Variants in GRM4 observed in about 807,000 individuals in gnomAD.
GRM4 encodes the protein glutamate metabotropic receptor 4.
A neutral mutation model predicts 81.7 loss-of-function variants in GRM4; 28 were observed. That is an observed-to-expected ratio of 0.34 (90% CI 0.25 to 0.47). GRM4 has a LOEUF of 0.47. Among genes scored for constraint, GRM4 ranks in the 20% least tolerant of loss-of-function variants. The pLI is 1.00. For synonymous variants in GRM4, 488 were observed against 528.8 expected (o/e 0.92, Z 1.06); for missense variants, 948 against 1,290.0 (o/e 0.73, Z 4.06).
chr6:34,036,179 A>G lies in GRM4; in HGVS notation c.1931T>C (p.Ile644Thr), dbSNP rs773619608. ...GCAGGTGCCAAGGTCGGGCTCAGCG[A>G]TCATGAGGAAGGTGGTGGCATAGCA... ...FLCYATTFLM[I>T]AEPDLGTCSL... The change falls in exon 9 of 11, where the codon ATC becomes ACC. Residue 644 changes from isoleucine to threonine, a missense_variant. Coordinates refer to ENST00000538487, the MANE Select transcript of GRM4 (RefSeq NM_000841.4). This position sits in a 1 kb window ranked among gnomAD's most constrained non-coding sequence, Gnocchi z 9.0. 1 of 1,614,212 alleles carries G rather than the reference A, an allele frequency of 6.2e-7. No homozygotes were observed. The highest frequency in any genetic ancestry group is 8.5e-7 in the Non-Finnish European group (1 of 1,180,020).
intron 6 of GRM4, among the ~76,000 whole-genome samples, chr6:34,054,008 A>G (rs1765739960): frequency 6.6e-6 from 1 of 152,144 alleles, no homozygotes; most frequent in African/African-American, 2.4e-5. Context: ...TACAGCTGCC[A>G]CTTACAGATC....
chr6:34,028,060 C>A, intron 10 of GRM4, 60 bp downstream of exon 10: 2 of 1,539,636 alleles, frequency 1.3e-6, no homozygotes, highest in Non-Finnish European at 1.8e-6. Context: ...GCTCAGCCCA[C>A]CTGCTGCAAA....
intron 2 of GRM4, among the ~76,000 whole-genome samples, chr6:34,120,616 C>T (rs1235179473): frequency 6.6e-6 from 1 of 152,168 alleles, no homozygotes; most frequent in Non-Finnish European, 1.5e-5. Context: ...GCTACCAATT[C>T]GGGCAGGAAG....
Position 34,028,127 on chromosome 6 carries a change from C to T in GRM4, c.2682G>A (p.Glu894=). ...EAKSELCENL[E]APALATKQTY... ...ACGGGGCCAGGCACTCACCTGGGGC[C>T]TCAAGGTTCTCGCAGAGCTCAGACT... The change falls in exon 10 of 11, where the codon GAG becomes GAA. Residue 894 remains glutamate (E), a synonymous_variant. Transcript: ENST00000538487. 6.2e-7 allele frequency: 1 copy of T among 1,611,884 alleles called. No homozygotes were observed. Among genetic ancestry groups the T allele is most frequent in the East Asian group, 2.2e-5 (1 of 44,790 alleles).
intron 2 of GRM4, among the ~76,000 whole-genome samples, chr6:34,113,406 G>C (rs1313539482): frequency 1.3e-5 from 2 of 152,196 alleles, no homozygotes; most frequent in Admixed American, 6.5e-5. Flanking sequence ...CCCACCTCGG[G>C]ATTACAGGCC....
chr6:34,032,926 C>A (rs1379923983), intron 9 of GRM4, among the ~76,000 whole-genome samples: 1 of 152,156 alleles, frequency 6.6e-6, no homozygotes, highest in Non-Finnish European at 1.5e-5. Context: ...GCCTCCCAGC[C>A]AGGTACCTTT....
At chr6:34,086,668 C>T (rs1767904906) in intron 3 of GRM4, among the ~76,000 whole-genome samples, 1 of 152,234 alleles carries the variant, frequency 6.6e-6, no homozygotes, top group Non-Finnish European at 1.5e-5. Flanking sequence ...AGGGTAAGTT[C>T]AGTGGCTGGG....
At position 34,133,879 on chromosome 6, in the gene GRM4, G is replaced by A; in HGVS notation, c.-363-20C>T. 9.8e-7 allele frequency: 1 copy of A among 1,020,438 alleles called. No homozygotes were observed. Among genetic ancestry groups the A allele is most frequent in the Non-Finnish European group, 1.2e-6 (1 of 850,316 alleles). 63.2% of individuals were successfully genotyped at this position (1,020,438 alleles called of 1,614,324 possible). ...ACCAACCTTAGAAGGGGAAGAGAGA[G>A]AGAGAATATCAAACAGAAGCCCAAA... On this transcript the variant is annotated intron_variant, in intron 1 of 10. Coordinates refer to ENST00000538487, the MANE Select transcript of GRM4 (RefSeq NM_000841.4). This position sits in a 1 kb window ranked among gnomAD's most constrained non-coding sequence, Gnocchi z 6.5.
chr6:34,059,281 A>G lies in GRM4; in HGVS notation c.873-153T>C, dbSNP rs556728274. On this transcript the variant is annotated intron_variant, in intron 4 of 10. Coordinates refer to ENST00000538487, the MANE Select transcript of GRM4 (RefSeq NM_000841.4). This position sits in a 1 kb window ranked among gnomAD's most constrained non-coding sequence, Gnocchi z 5.7. ...CCGATGCTTTCACCCCAAGCCATGG[A>G]TTCCCCCTACCCGCTGCCCTCACCT... The G allele has an allele frequency of 1.0e-5, 7 of 695,344 alleles. No individual in the cohort carries two copies. The highest frequency in any genetic ancestry group is 1.7e-5 in the Non-Finnish European group (7 of 406,170). 43.1% of individuals were successfully genotyped at this position (695,344 alleles called of 1,614,324 possible).
At chr6:34,103,971 A>T in intron 2 of GRM4, 1 of 588,298 alleles carries the variant, frequency 1.7e-6, no homozygotes, top group Non-Finnish European at 2.4e-6. Flanking sequence ...ACAGGGGCTC[A>T]TGCACAGCCT....
Position 34,035,154 on chromosome 6 carries a change from A to G in GRM4, c.2442+514T>C, listed in dbSNP as rs1034470575. Among the ~76,000 whole-genome samples, 9 of 151,668 alleles carry G rather than the reference A, an allele frequency of 5.9e-5. No homozygotes were observed. Among genetic ancestry groups the G allele is most frequent in the African/African-American group, 2.2e-4 (9 of 41,218 alleles). On this transcript the variant is annotated intron_variant, in intron 9 of 10. Coordinates refer to ENST00000538487, the MANE Select transcript of GRM4 (RefSeq NM_000841.4). This position sits in a 1 kb window ranked among gnomAD's most constrained non-coding sequence, Gnocchi z 6.6. The stretch of plus-strand genomic sequence containing the variant: ...GGAAGACAGGGTTGAGTAGGGAGAG[A>G]GGTAAGAGAAAGGAGTCTAGAAAAG...
Position 34,053,909 on chromosome 6 carries a change from C to A in GRM4, c.1168+2635G>T, listed in dbSNP as rs562117438. 5.9e-5 allele frequency among the ~76,000 whole-genome samples: 9 copies of A among 152,350 alleles called. No homozygotes were observed. The East Asian group carries it at 1.7e-3, about 29-fold the overall frequency. On this transcript the variant is annotated intron_variant, in intron 6 of 10. Coordinates refer to ENST00000538487, the MANE Select transcript of GRM4 (RefSeq NM_000841.4). ...GTAAAAATCCACGGCCTAGGCCCCA[C>A]CCCTAAGGTTCTGATCTAGTTGGTC...
In GRM4 at chr6:34,105,249, G is replaced by C. The variant is rs568815401; in HGVS notation, c.520-13150C>G. 7.9e-5 allele frequency among the ~76,000 whole-genome samples: 12 copies of C among 152,300 alleles called. No homozygotes were observed. In the East Asian group the frequency reaches 1.2e-3, roughly 15 times the overall value. ...AGGCTGGCAGCCCCAAGCTGGCAGA[G>C]AGGAGGCCCCCCTGGGGCTCTGGGG... On this transcript the variant is annotated intron_variant, in intron 2 of 10. Transcript: ENST00000538487.
intron 10 of GRM4, among the ~76,000 whole-genome samples, chr6:34,025,020 G>T (rs111902552): frequency 6.6e-6 from 1 of 152,176 alleles, no homozygotes. Context: ...TGCTGAGAGG[G>T]AGATGAGCAC....
chr6:34,028,405 C>G, intron 9 of GRM4, 39 bp from the exon 10 acceptor site: 2 of 1,584,808 alleles, frequency 1.3e-6, no homozygotes, highest in Non-Finnish European at 1.7e-6. Flanking sequence ...AGGCTCTGCC[C>G]CGACTGAGGG....
In GRM4 at chr6:34,036,381, G is replaced by A. The variant is rs1394218991; in HGVS notation, c.1729C>T (p.Pro577Ser). ...GAGCCCCACTCAAGCTTGATGATGG[G>A]GATGGGCCGGCAGCCCGTGCGGTTC... ...TENRTGCRPIPIIKLEWGSPW... is the reference protein window; with the variant it reads ...TENRTGCRPISIIKLEWGSPW... The change falls in exon 9 of 11, where the codon CCC (proline) becomes TCC (serine). Residue 577 changes from proline (P) to serine (S), a missense_variant. Physicochemically the swap from Pro to Ser is moderately conservative, Grantham distance 74 (BLOSUM62 -1). Coordinates refer to ENST00000538487, the MANE Select transcript of GRM4 (RefSeq NM_000841.4). This position sits in a 1 kb window ranked among gnomAD's most constrained non-coding sequence, Gnocchi z 9.0. 6.2e-7 allele frequency: 1 copy of A among 1,612,334 alleles called. No homozygotes were observed. Among genetic ancestry groups the A allele is most frequent in the Non-Finnish European group, 8.5e-7 (1 of 1,178,812 alleles).
chr6:34,072,465 C>T (rs981306921), intron 3 of GRM4, among the ~76,000 whole-genome samples: 1 of 148,078 alleles, frequency 6.8e-6, no homozygotes, highest in Admixed American at 6.7e-5. Flanking sequence ...CACATACCAC[C>T]ATACAGATAC....
At chr6:34,153,673 G>A (rs905817076) in intron 1 of GRM4, among the ~76,000 whole-genome samples, 3 of 152,180 alleles carry the variant, frequency 2.0e-5, no homozygotes, top group Non-Finnish European at 2.9e-5. Flanking sequence ...ATCACCTGAG[G>A]TCAGGAGTTC....
intron 2 of GRM4, among the ~76,000 whole-genome samples, chr6:34,094,201 G>T (rs1335495310): frequency 1.3e-5 from 2 of 152,190 alleles, no homozygotes; most frequent in Non-Finnish European, 2.9e-5. Context: ...CATACTTGCT[G>T]CTCTGAAACA....
Sources: gnomAD v4.1 joint callset for allele counts (sites outside exome capture counted in the v4.1 genomes callset) on GRCh38, gnomAD v4.1.1 for gene constraint, Gnocchi (gnomAD v3.1) non-coding constraint, MANE v1.5 for transcripts, NCBI Gene and HGNC (gene_info 2026-07-23, HGNC 2026-07-21) for gene names.